The following CLRN1 variants were observed in gnomAD, a reference collection of about 807,000 sequenced individuals.
CLRN1 encodes clarin-1.
In CLRN1, 15 loss-of-function variants were observed where a neutral mutation model predicts 18.7. The ratio of observed to expected loss-of-function variants is 0.80; its 90% CI spans 0.54 to 1.23. The LOEUF (loss-of-function observed/expected upper bound fraction) is 1.23. Ranked by LOEUF, CLRN1 falls within the 50% of genes most tolerant of loss-of-function variation. The pLI is 0.00. For synonymous variants in CLRN1, 104 were observed against 102.9 expected, an observed-to-expected ratio of 1.01 and a Z score of -0.07; for missense variants, 311 against 277.5, an observed-to-expected ratio of 1.12 and a Z score of -0.86.
chr3:150,969,315 T>G (rs868651330), intron 1 of CLRN1, among the ~76,000 whole-genome samples: 1 of 34,568 alleles, frequency 2.9e-5, no homozygotes, highest in African/African-American at 1.6e-4. Context: ...ATATATATAT[T>G]TTTTTTTTTT....
At chr3:150,952,197 A>G (rs986133438) in intron 1 of CLRN1, among the ~76,000 whole-genome samples, 18 of 152,216 alleles carry the variant, frequency 1.2e-4, no homozygotes, top group African/African-American at 3.9e-4. Flanking sequence ...TTTCAACATC[A>G]TGATGGTCTG....
At chr3:150,959,402 G>T (rs1348531231) in intron 1 of CLRN1, among the ~76,000 whole-genome samples, 2 of 152,146 alleles carry the variant, frequency 1.3e-5, no homozygotes, top group African/African-American at 2.4e-5. Context: ...GCTGAGGCGG[G>T]TGGATCACCT....
At chr3:150,969,110 A>G (rs944094810) in intron 1 of CLRN1, among the ~76,000 whole-genome samples, 6 of 149,134 alleles carry the variant, frequency 4.0e-5, no homozygotes, top group Non-Finnish European at 3.0e-5. Context: ...GACAGCGTCA[A>G]GAAAAAAAAA....
chr3:150,945,510 T>G, intron 1 of CLRN1: 2 of 1,286,150 alleles, frequency 1.6e-6, no homozygotes, highest in Non-Finnish European at 2.0e-6. Context: ...TGTAATTAAC[T>G]AACTACATAT....
At chr3:150,966,749 G>T (rs1715279113) in intron 1 of CLRN1, among the ~76,000 whole-genome samples, 1 of 152,156 alleles carries the variant, frequency 6.6e-6, no homozygotes, top group African/African-American at 2.4e-5. Flanking sequence ...AGATATTTCA[G>T]AAAACTTTAA....
intron 1 of CLRN1, among the ~76,000 whole-genome samples, chr3:150,962,138 C>G (rs958363986): frequency 5.9e-5 from 9 of 152,188 alleles, no homozygotes; most frequent in Non-Finnish European, 8.8e-5. Flanking sequence ...ACCCATTTAA[C>G]TGCTCCTAAT....
intron 2 of CLRN1, among the ~76,000 whole-genome samples, chr3:150,939,451 G>A: frequency 6.6e-6 from 1 of 152,190 alleles, no homozygotes; most frequent in East Asian, 1.9e-4. Flanking sequence ...CCATCTTGGA[G>A]TTACCTCGGA....
At position 150,972,670 on chromosome 3, in the gene CLRN1, G is replaced by T; in HGVS notation, c.39C>A (p.Ala13=). 6.2e-7 allele frequency: 1 copy of T among 1,614,074 alleles called. No individual in the cohort carries two copies. The change falls in exon 1 of 3, where the codon GCC becomes GCA. Residue 13 remains alanine (A), a synonymous_variant. Transcript: ENST00000327047. Reference sequence around the variant, plus strand: ...GGGCACATGCAAAACTGAACACTCCGGCCATGCAAAAAATGATTTTCTTCT... The same window carrying T: ...GGGCACATGCAAAACTGAACACTCCTGCCATGCAAAAAATGATTTTCTTCT... ...SQQKKIIFCM[A]GVFSFACALG... is the part of the protein sequence containing the mutation.
chr3:150,946,324 T>C (rs764983341), intron 1 of CLRN1, among the ~76,000 whole-genome samples: 9 of 152,206 alleles, frequency 5.9e-5, no homozygotes, highest in Non-Finnish European at 1.2e-4. Context: ...CCAAGATTTA[T>C]ACTTAGTGAG....
At chr3:150,930,099 A>G (rs568021109) in intron 2 of CLRN1, among the ~76,000 whole-genome samples, 1 of 152,352 alleles carries the variant, frequency 6.6e-6, no homozygotes, top group South Asian at 2.1e-4. Flanking sequence ...TTGGCAGAGG[A>G]CATAAAATCA....
At chr3:150,938,107 C>A (rs963802389) in intron 2 of CLRN1, among the ~76,000 whole-genome samples, 5 of 152,010 alleles carry the variant, frequency 3.3e-5, no homozygotes, top group African/African-American at 9.7e-5. Context: ...GCTTAGGGAA[C>A]CTGAATGTGA....
intron 2 of CLRN1, among the ~76,000 whole-genome samples, chr3:150,936,457 C>T (rs1288428768): frequency 1.3e-5 from 2 of 152,168 alleles, no homozygotes; most frequent in Non-Finnish European, 2.9e-5. Flanking sequence ...CTCCCCACCC[C>T]TTTCTTGCCC....
intron 1 of CLRN1, among the ~76,000 whole-genome samples, chr3:150,955,140 G>A (rs912971440): frequency 4.1e-4 from 62 of 152,306 alleles, no homozygotes; most frequent in Middle Eastern, 3.4e-3. Flanking sequence ...AGTCAGACTC[G>A]AGAGGCTGCA....
chr3:150,941,724 G>C lies in CLRN1; in HGVS notation c.291C>G (p.Ile97Met). 1 of 1,614,070 alleles carries C rather than the reference G, an allele frequency of 6.2e-7. No homozygotes were observed. Among genetic ancestry groups the C allele is most frequent in the East Asian group, 2.2e-5 (1 of 44,864 alleles). Reference sequence around the variant, plus strand: ...CAGAGAAGAGAATGACATTGACGTGGATGCTCACTGGGATTGCTTTGAGCA... The same window carrying C: ...CAGAGAAGAGAATGACATTGACGTGCATGCTCACTGGGATTGCTTTGAGCA... ...PDLLKAIPVS[I>M]HVNVILFSAI... The change falls in exon 2 of 3, where the codon ATC becomes ATG. Residue 97 changes from isoleucine (I) to methionine (M), a missense_variant. Physicochemically the swap from Ile to Met is conservative, Grantham distance 10. Transcript: ENST00000327047.
At chr3:150,936,839 G>A (rs940935538) in intron 2 of CLRN1, among the ~76,000 whole-genome samples, 1 of 151,660 alleles carries the variant, frequency 6.6e-6, no homozygotes, top group African/African-American at 2.4e-5. Context: ...CCTTCTTTCG[G>A]TTCCTACAAC....
chr3:150,963,444 GCT>G (rs1198475476), intron 1 of CLRN1, among the ~76,000 whole-genome samples: 3 of 152,172 alleles, frequency 2.0e-5, no homozygotes, highest in Admixed American at 2.0e-4. Flanking sequence ...AACATTCCAT[GCT>G]CACGGATAGG....
intron 2 of CLRN1, among the ~76,000 whole-genome samples, chr3:150,933,090 A>C (rs1052931519): frequency 6.6e-6 from 1 of 152,220 alleles, no homozygotes. Flanking sequence ...AATATGTCTG[A>C]AAATATGACA....
intron 1 of CLRN1, among the ~76,000 whole-genome samples, chr3:150,957,271 ACCACC>A (rs1714790270): frequency 7.0e-6 from 1 of 143,386 alleles, no homozygotes. Context: ...ACACACACAC[ACCACC>A]CCACCCGAAG....
At chr3:150,934,694 A>T (rs1713356220) in intron 2 of CLRN1, among the ~76,000 whole-genome samples, 1 of 152,176 alleles carries the variant, frequency 6.6e-6, no homozygotes, top group African/African-American at 2.4e-5. Context: ...AATGGAATAT[A>T]TAAAAGGCCC....
Sources: allele counts gnomAD v4.1 joint callset (sites outside exome capture counted in the v4.1 genomes callset), GRCh38; gene constraint gnomAD v4.1.1; transcripts MANE v1.5; gene names NCBI Gene and HGNC (gene_info 2026-07-23, HGNC 2026-07-21).